The following SH3RF2 variants were observed in gnomAD, a reference collection of about 807,000 sequenced individuals.
The protein encoded by SH3RF2 is SH3 domain containing ring finger 2.
SH3RF2 carries 43 observed loss-of-function variants against 59.0 expected under a neutral mutation model. The ratio of observed to expected loss-of-function variants is 0.73; its 90% CI spans 0.57 to 0.94. SH3RF2 has a LOEUF of 0.94. SH3RF2 is among the 40% of genes least tolerant of loss of function. SH3RF2 has a pLI of 0.00. For missense variants in SH3RF2, 930 were observed against 940.1 expected (o/e 0.99, Z 0.14); for synonymous variants, 391 against 391.5 (o/e 1.00, Z 0.01).
At chr5:145,994,078 G>A (rs1041672194) in intron 2 of SH3RF2, among the ~76,000 whole-genome samples, 6 of 152,064 alleles carry the variant, frequency 3.9e-5, no homozygotes, top group African/African-American at 1.2e-4. Flanking sequence ...TCTCAACTTC[G>A]AAGTTCTACA....
At chr5:145,980,417 A>C (rs1759465323) in intron 2 of SH3RF2, among the ~76,000 whole-genome samples, 1 of 152,190 alleles carries the variant, frequency 6.6e-6, no homozygotes, top group South Asian at 2.1e-4. Flanking sequence ...TTCCCATGAC[A>C]GTCCACCCCA....
intron 7 of SH3RF2, among the ~76,000 whole-genome samples, chr5:146,053,371 C>T (rs1286972067): frequency 4.0e-5 from 6 of 151,860 alleles, no homozygotes; most frequent in Admixed American, 2.6e-4. Flanking sequence ...CTAAATCCCC[C>T]TTTAATAGCG....
downstream of SH3RF2, among the ~76,000 whole-genome samples, chr5:146,064,980 C>T (rs1330699239): frequency 6.6e-6 from 1 of 152,146 alleles, no homozygotes; most frequent in Non-Finnish European, 1.5e-5. Context: ...CTTTTACACA[C>T]CCACTCACAC....
chr5:146,012,975 CTTTTT>C (rs368721283), intron 4 of SH3RF2, among the ~76,000 whole-genome samples: 1 of 148,884 alleles, frequency 6.7e-6, no homozygotes, highest in Admixed American at 6.7e-5. Context: ...TTTCTTGTTA[CTTTTT>C]TTTTTGACAG....
rs558115470 is a variant in SH3RF2 at position 146,014,257 on chromosome 5, A to C, written c.1059+196A>C. Among the ~76,000 whole-genome samples, 4 of 152,302 alleles carry C rather than the reference A, an allele frequency of 2.6e-5. No individual in the cohort carries two copies. In the South Asian group the frequency reaches 8.3e-4, roughly 32 times the overall value. ...TTGAACAGCCTGTGAGTTAGGTGTT[A>C]TTACTATTATCCCCATTTTACAGTT... On this transcript the variant is annotated intron_variant, in intron 5 of 9. Transcript: ENST00000359120.
chr5:146,081,516 C>G (rs1763425114), exon 10 of SH3RF2: 3 of 152,194 alleles, frequency 2.0e-5, no homozygotes, highest in Non-Finnish European at 4.4e-5. Flanking sequence ...TACCGCGAGA[C>G]TGATCAGAAG....
chr5:146,049,203 G>A lies in SH3RF2; in HGVS notation c.1280G>A (p.Arg427Gln), dbSNP rs146377978. 1.7e-5 allele frequency: 28 copies of A among 1,613,814 alleles called. No homozygotes were observed. The highest frequency in any genetic ancestry group is 1.6e-4 in the African/African-American group (12 of 75,014). ...WLRGVSLVTG[R>Q]VGIFPNNYVI... The stretch of plus-strand genomic sequence containing the variant: ...AGGGGCGTCTCCTTGGTCACCGGGC[G>A]AGTCGGCATCTTCCCAAACAATTAC... The change falls in exon 7 of 10, where the codon CGA becomes CAA. Residue 427 changes from arginine (R) to glutamine (Q), a missense_variant. Coordinates refer to ENST00000359120, the MANE Select transcript of SH3RF2 (RefSeq NM_152550.4).
At chr5:146,076,877 G>T (rs1330333726) in intron 9 of SH3RF2, among the ~76,000 whole-genome samples, 1 of 152,082 alleles carries the variant, frequency 6.6e-6, no homozygotes. Context: ...CAAACCGCTT[G>T]TAAGATCTGA....
chr5:145,950,458 T>C (rs1243906661), intron 2 of SH3RF2, among the ~76,000 whole-genome samples: 1 of 152,198 alleles, frequency 6.6e-6, no homozygotes, highest in Admixed American at 6.5e-5. Flanking sequence ...AATTATATGC[T>C]GTGTCTTCAC....
intron 2 of SH3RF2, among the ~76,000 whole-genome samples, chr5:145,979,597 T>A (rs1580805516): frequency 6.6e-6 from 1 of 152,192 alleles, no homozygotes; most frequent in East Asian, 1.9e-4. Flanking sequence ...TCATGGCTAC[T>A]TTCAAACTAT....
chr5:146,079,672 T>C (rs1763394034), exon 10 of SH3RF2: 1 of 152,234 alleles, frequency 6.6e-6, no homozygotes. Context: ...TATGTGAAGC[T>C]ATCACATGCA....
At chr5:145,960,921 A>G (rs1472293836) in intron 2 of SH3RF2, among the ~76,000 whole-genome samples, 2 of 152,236 alleles carry the variant, frequency 1.3e-5, no homozygotes, top group African/African-American at 2.4e-5. Flanking sequence ...ATTGAAAAAC[A>G]GAGCAGGAAG....
In SH3RF2 at chr5:145,966,132, T is replaced by C. The variant is rs141344180; in HGVS notation, c.378+27826T>C. On this transcript the variant is annotated intron_variant, in intron 2 of 9. Transcript: ENST00000359120. The stretch of plus-strand genomic sequence containing the variant: ...AGGACACATTAGGTTCTTTACACAA[T>C]AGGAAACCTCTAGGAAGATGAAACC... Among the ~76,000 whole-genome samples the C allele has an allele frequency of 1.8e-4, 28 of 152,260 alleles. No individual in the cohort carries two copies. In the East Asian group the frequency reaches 5.0e-3, roughly 27 times the overall value.
intron 2 of SH3RF2, among the ~76,000 whole-genome samples, chr5:145,957,865 T>A (rs1369067857): frequency 2.0e-5 from 3 of 152,022 alleles, no homozygotes; most frequent in Non-Finnish European, 4.4e-5. Context: ...GTAATCCCAA[T>A]ACTTTGAGAG....
At chr5:145,961,038 A>T (rs879831433) in intron 2 of SH3RF2, among the ~76,000 whole-genome samples, 2 of 152,238 alleles carry the variant, frequency 1.3e-5, no homozygotes, top group Non-Finnish European at 2.9e-5. Flanking sequence ...TTTTGCTAAC[A>T]CATACTCCTA....
chr5:145,980,251 T>C (rs1318891575), intron 2 of SH3RF2, among the ~76,000 whole-genome samples: 3 of 152,198 alleles, frequency 2.0e-5, no homozygotes, highest in African/African-American at 7.2e-5. Flanking sequence ...AACGAGGCAG[T>C]TGTAAGTTCC....
chr5:145,940,176 C>A (rs1030462859), intron 2 of SH3RF2, among the ~76,000 whole-genome samples: 3 of 152,146 alleles, frequency 2.0e-5, no homozygotes, highest in African/African-American at 7.2e-5. Flanking sequence ...CTGCTCTGGA[C>A]CAAGTCCTGT....
intron 9 of SH3RF2, among the ~76,000 whole-genome samples, chr5:146,062,058 T>C (rs989397589): frequency 6.6e-6 from 1 of 152,134 alleles, no homozygotes; most frequent in Non-Finnish European, 1.5e-5. Context: ...GCCTTAATAG[T>C]ACGTAGAGAG....
chr5:146,071,262 C>G (rs1196348130), intron 9 of SH3RF2, among the ~76,000 whole-genome samples: 2 of 152,204 alleles, frequency 1.3e-5, no homozygotes, highest in African/African-American at 4.8e-5. Flanking sequence ...CAAGCCCCAC[C>G]ACCACCTTCT....
Sources: allele counts gnomAD v4.1 joint callset (sites outside exome capture counted in the v4.1 genomes callset), GRCh38; gene constraint gnomAD v4.1.1; transcripts MANE v1.5; gene names NCBI Gene and HGNC (gene_info 2026-07-23, HGNC 2026-07-21).